The following PCDHA12 variants were observed in gnomAD, a reference collection of about 807,000 sequenced individuals.
PCDHA12 encodes protocadherin alpha 12, also known as protocadherin alpha-12.
PCDHA12 carries 44 observed loss-of-function variants against 60.0 expected under a neutral mutation model. That is an observed-to-expected ratio of 0.73 (90% CI 0.58 to 0.94). PCDHA12 has a LOEUF of 0.94. PCDHA12 is among the 40% of genes least tolerant of loss of function. The probability of loss-of-function intolerance (pLI) is 0.00; values close to 1 mark genes in which losing one functional copy is unlikely to be tolerated. For missense variants in PCDHA12, 1,276 were observed against 1,239.7 expected, an observed-to-expected ratio of 1.03 and a Z score of -0.44; for synonymous variants, 569 against 553.0, an observed-to-expected ratio of 1.03 and a Z score of -0.40.
chr5:140,882,769 A>C, intron 1 of PCDHA12: 1 of 1,614,242 alleles, frequency 6.2e-7, no homozygotes, highest in Admixed American at 1.7e-5. Context: ...TAAACTCGGC[A>C]TTGACCTACC....
chr5:140,882,898 A>T lies in PCDHA12; in HGVS notation c.2367+5059A>T, dbSNP rs781828373. 6 of 1,614,100 alleles carry T rather than the reference A, an allele frequency of 3.7e-6. No individual in the cohort carries two copies. In the Admixed American group the frequency reaches 5.0e-5, roughly 13 times the overall value. On this transcript the variant is annotated intron_variant, in intron 1 of 3. Coordinates refer to ENST00000398631, the MANE Select transcript of PCDHA12 (RefSeq NM_018903.4). ...GAGAGGAAATTCAGGAACATAGTTT[A>T]TTACTGACAGCCAGTGATGGAGGTA...
rs1439259875 is a variant in PCDHA12 at position 141,011,882 on chromosome 5, GATTA to G, written c.*1950_*1953del. On this transcript the variant is annotated 3_prime_UTR_variant, in exon 4 of 4. Coordinates refer to ENST00000398631, the MANE Select transcript of PCDHA12 (RefSeq NM_018903.4). ...GTTATAATGTACAATTTAGAAGTTTGATTAATTATATTATCTATTTAGGCATTAA... is the reference window on the plus strand; with the variant it reads ...GTTATAATGTACAATTTAGAAGTTTGATTATATTATCTATTTAGGCATTAA... 2.0e-5 allele frequency: 3 copies of G among 153,360 alleles called. No homozygotes were observed. Among genetic ancestry groups the G allele is most frequent in the Non-Finnish European group, 4.4e-5 (3 of 68,010 alleles). 9.5% of individuals were successfully genotyped at this position (153,360 alleles called of 1,614,324 possible).
chr5:140,956,599 G>A (rs782510228), intron 1 of PCDHA12, among the ~76,000 whole-genome samples: 4 of 152,186 alleles, frequency 2.6e-5, no homozygotes, highest in Non-Finnish European at 5.9e-5. Flanking sequence ...AGGGATATCA[G>A]CTGGAAGTTT....
At chr5:141,004,192 C>G (rs2098157863) in intron 3 of PCDHA12, among the ~76,000 whole-genome samples, 1 of 152,192 alleles carries the variant, frequency 6.6e-6, no homozygotes, top group African/African-American at 2.4e-5. Flanking sequence ...TGCTCTTAAC[C>G]AAAAGGAATT....
intron 3 of PCDHA12, among the ~76,000 whole-genome samples, chr5:141,005,117 C>A (rs2098198148): frequency 6.6e-6 from 1 of 152,214 alleles, no homozygotes; most frequent in South Asian, 2.1e-4. Flanking sequence ...TCTTTAGGGA[C>A]CCCAAAAGTG....
chr5:140,883,970 C>A (rs1554180846), intron 1 of PCDHA12: 1 of 1,612,990 alleles, frequency 6.2e-7, no homozygotes, highest in South Asian at 1.1e-5. Context: ...GCTGCTGACG[C>A]CCGGGGCTGG....
intron 1 of PCDHA12, among the ~76,000 whole-genome samples, chr5:140,917,324 C>CGGGG (rs1299895515): frequency 3.9e-5 from 3 of 76,180 alleles, no homozygotes; most frequent in African/African-American, 8.6e-5. Context: ...GTTCATGTGG[C>CGGGG]GGGGGAGGGG....
intron 3 of PCDHA12, among the ~76,000 whole-genome samples, chr5:140,985,803 G>T (rs536777034): frequency 2.9e-5 from 4 of 139,766 alleles, no homozygotes; most frequent in Non-Finnish European, 6.0e-5. Context: ...GCAGTGGCAC[G>T]ATCTCAGCTC....
In PCDHA12 at chr5:140,877,829, C is replaced by T. The variant is rs1554170159; in HGVS notation, c.2357C>T (p.Pro786Leu). Residue 786 changes from proline (P) to leucine (L), a missense_variant, in exon 1 of 4, where the codon CCT becomes CTT. Physicochemically the swap from Pro to Leu is moderately conservative, Grantham distance 98 (BLOSUM62 -3). Coordinates refer to ENST00000398631, the MANE Select transcript of PCDHA12 (RefSeq NM_018903.4). ...CTGTCTCGAGAAGATTGTTTAAATC[C>T]TCCCAGTGAAGTAAGTTATTAATAT... is the stretch of plus-strand genomic sequence containing the variant. ...LQLSREDCLN[P>L]PSEPRQPNPD... The T allele has an allele frequency of 1.9e-6, 3 of 1,594,494 alleles. No individual in the cohort carries two copies. Among genetic ancestry groups the T allele is most frequent in the Non-Finnish European group, 2.6e-6 (3 of 1,172,916 alleles).
At chr5:140,927,754 C>T (rs1554205003) in intron 1 of PCDHA12, 1 of 1,614,030 alleles carries the variant, frequency 6.2e-7, no homozygotes, top group African/African-American at 1.3e-5. Flanking sequence ...TCACGTGCAC[C>T]CTAAAAGTGG....
At position 140,927,036 on chromosome 5, in the gene PCDHA12, C is replaced by A. The variant is rs137875923; in HGVS notation, c.2367+49197C>A. On this transcript the variant is annotated intron_variant, in intron 1 of 3. Transcript: ENST00000398631. ...CCGCGGACTTGAGGCTGCCAGCGGC[C>A]GCTATGTCCTCGCGGAACTTTCGCT... 9.3e-6 allele frequency: 15 copies of A among 1,612,314 alleles called. No homozygotes were observed. In the East Asian group the frequency reaches 3.3e-4, roughly 36 times the overall value.
At chr5:140,884,104 G>C in intron 1 of PCDHA12, 1 of 1,613,464 alleles carries the variant, frequency 6.2e-7, no homozygotes, top group African/African-American at 1.3e-5. Flanking sequence ...ATGAATTGCA[G>C]CTGGCGGCGG....
At chr5:140,966,764 G>T in intron 1 of PCDHA12, 1 of 1,475,264 alleles carries the variant, frequency 6.8e-7, no homozygotes, top group Non-Finnish European at 9.0e-7. Context: ...GCGGCCAGTG[G>T]CTATGGAGCA....
In PCDHA12 at chr5:140,883,718, G is replaced by A. The variant is rs376943163; in HGVS notation, c.2367+5879G>A. 7 of 1,613,642 alleles carry A rather than the reference G, an allele frequency of 4.3e-6. No homozygotes were observed. The South Asian group carries it at 6.6e-5, about 15-fold the overall frequency. ...CACGGTGTCTGCTCAGGACGCGGAC[G>A]CACAGGAGAACGCGCTGGTCTCCTA... On this transcript the variant is annotated intron_variant, in intron 1 of 3. Transcript: ENST00000398631.
intron 1 of PCDHA12, among the ~76,000 whole-genome samples, chr5:140,974,838 A>G (rs1554236389): frequency 6.6e-6 from 1 of 152,134 alleles, no homozygotes; most frequent in Admixed American, 6.5e-5. Context: ...ATTATTTTAA[A>G]TGTTATATTC....
chr5:140,931,966 A>G (rs1554208694), intron 1 of PCDHA12, among the ~76,000 whole-genome samples: 1 of 151,950 alleles, frequency 6.6e-6, no homozygotes, highest in African/African-American at 2.4e-5. Context: ...ATGTTGATGC[A>G]TATGTGTTTA....
intron 3 of PCDHA12, among the ~76,000 whole-genome samples, chr5:140,993,715 G>A (rs954129865): frequency 2.0e-5 from 3 of 152,060 alleles, no homozygotes; most frequent in Non-Finnish European, 4.4e-5. Flanking sequence ...TATTTTTACT[G>A]TACCTTTTCT....
intron 1 of PCDHA12, among the ~76,000 whole-genome samples, chr5:140,897,778 TG>T (rs1385536315): frequency 6.6e-6 from 1 of 152,208 alleles, no homozygotes; most frequent in Non-Finnish European, 1.5e-5. Flanking sequence ...ACTTCCACAA[TG>T]GTTGAACTAG....
At chr5:140,894,223 T>C (rs2064371572) in intron 1 of PCDHA12, among the ~76,000 whole-genome samples, 1 of 152,124 alleles carries the variant, frequency 6.6e-6, no homozygotes. Context: ...ATTTTAAAGA[T>C]GTTGAATGAC....
Sources: gnomAD v4.1 joint callset for allele counts (sites outside exome capture counted in the v4.1 genomes callset) on GRCh38, gnomAD v4.1.1 for gene constraint, MANE v1.5 for transcripts, NCBI Gene and HGNC (gene_info 2026-07-23, HGNC 2026-07-21) for gene names.